Variants in GNAI1 observed in about 807,000 individuals in gnomAD.
The protein encoded by GNAI1 is G protein subunit alpha i1.
In GNAI1, 11 loss-of-function variants were observed where a neutral mutation model predicts 38.9. That is an observed-to-expected ratio of 0.28 (90% CI 0.18 to 0.47). The LOEUF (loss-of-function observed/expected upper bound fraction) is 0.47. GNAI1 is among the 20% of genes least tolerant of loss of function. GNAI1 has a pLI of 0.99. For missense variants in GNAI1, 317 were observed against 436.9 expected (o/e 0.73, Z 2.45); for synonymous variants, 166 against 145.1 (o/e 1.14, Z -1.04).
intron 7 of GNAI1, 71 bp from the exon 8 acceptor site, chr7:80,217,232 A>G (rs1788987932): frequency 1.9e-6 from 2 of 1,032,498 alleles, no homozygotes; most frequent in Non-Finnish European, 2.8e-6. Context: ...ATATGTATGA[A>G]ACTGAATTCA....
At chr7:80,143,774 T>A (rs1237833933) in intron 1 of GNAI1, among the ~76,000 whole-genome samples, 2 of 152,160 alleles carry the variant, frequency 1.3e-5, no homozygotes, top group East Asian at 3.8e-4. Flanking sequence ...ACATGGTACA[T>A]ACATTCTTAA....
At chr7:80,159,666 C>G (rs1211334425) in intron 1 of GNAI1, among the ~76,000 whole-genome samples, 2 of 152,064 alleles carry the variant, frequency 1.3e-5, no homozygotes, top group Admixed American at 1.3e-4. Flanking sequence ...TTCGTTGTTT[C>G]CTGTTTGGAT....
Position 80,177,321 on chromosome 7 carries a change from C to T in GNAI1, c.119-11630C>T, listed in dbSNP as rs571560791. On this transcript the variant is annotated intron_variant, in intron 1 of 7. Coordinates refer to ENST00000649796, the MANE Select transcript of GNAI1 (RefSeq NM_002069.6). ...CTGGGATTACAGGCATGAGCCACCG[C>T]GCCCGGCCAGCGTATCTTTTTAGAG... is the stretch of plus-strand genomic sequence containing the variant. 5.3e-5 allele frequency among the ~76,000 whole-genome samples: 8 copies of T among 152,198 alleles called. No individual in the cohort carries two copies. In the East Asian group the frequency reaches 1.2e-3, roughly 22 times the overall value.
Position 80,135,205 on chromosome 7 carries a change from G to C in GNAI1, c.45G>C (p.Arg15=). 6.4e-7 allele frequency: 1 copy of C among 1,560,730 alleles called. No homozygotes were observed. Among genetic ancestry groups the C allele is most frequent in the Non-Finnish European group, 8.7e-7 (1 of 1,154,574 alleles). ...CCGAGGACAAGGCGGCGGTGGAGCG[G>C]AGTAAGATGATCGACCGCAACCTCC... ...LSAEDKAAVE[R]SKMIDRNLRE... is the part of the protein sequence containing the mutation. Residue 15 remains arginine, a synonymous_variant, in exon 1 of 8, where the codon CGG becomes CGC. Coordinates refer to ENST00000649796, the MANE Select transcript of GNAI1 (RefSeq NM_002069.6).
chr7:80,192,576 T>C (rs1485768172), intron 3 of GNAI1, among the ~76,000 whole-genome samples: 5 of 152,182 alleles, frequency 3.3e-5, no homozygotes, highest in Admixed American at 3.3e-4. Flanking sequence ...GGAAATAATA[T>C]CTATGTTGTA....
At chr7:80,143,966 G>GTA (rs1562821820) in intron 1 of GNAI1, among the ~76,000 whole-genome samples, 3 of 151,510 alleles carry the variant, frequency 2.0e-5, no homozygotes, top group Non-Finnish European at 4.4e-5. Context: ...GTGTGTGTGT[G>GTA]TATATATATA....
intron 4 of GNAI1, among the ~76,000 whole-genome samples, chr7:80,200,398 CA>C (rs1011060176): frequency 1.5e-4 from 17 of 113,998 alleles, no homozygotes; most frequent in African/African-American, 2.9e-4. Context: ...AACACCAAAA[CA>C]AAAAAAAAAT....
At chr7:80,186,855 ACCC>A (rs1034077977) in intron 1 of GNAI1, among the ~76,000 whole-genome samples, 1 of 151,982 alleles carries the variant, frequency 6.6e-6, no homozygotes, top group Non-Finnish European at 1.5e-5. Flanking sequence ...GCTTGGGTGG[ACCC>A]CCTGGATTAG....
In GNAI1 at chr7:80,209,211, C is replaced by G. The variant is rs148678656; in HGVS notation, c.591-1758C>G. On this transcript the variant is annotated intron_variant, in intron 5 of 7. Transcript: ENST00000649796. ...TTAGGTATTTGTTAGAGTAGCACCT[C>G]ATTCTCTGCACTAAAGTTGTATCAT... Among the ~76,000 whole-genome samples, 19 of 152,252 alleles carry G rather than the reference C, an allele frequency of 1.2e-4. No homozygotes were observed. In the East Asian group the frequency reaches 3.5e-3, roughly 28 times the overall value.
intron 1 of GNAI1, among the ~76,000 whole-genome samples, chr7:80,153,435 T>A (rs1192748260): frequency 2.0e-5 from 3 of 152,230 alleles, no homozygotes; most frequent in African/African-American, 7.2e-5. Flanking sequence ...GAAATAAAAC[T>A]ATTTCCAATT....
intron 1 of GNAI1, among the ~76,000 whole-genome samples, chr7:80,172,818 T>A (rs1417190067): frequency 6.6e-6 from 1 of 152,076 alleles, no homozygotes; most frequent in Non-Finnish European, 1.5e-5. Context: ...CAAAACAAAT[T>A]TTTTTTAAAA....
rs2115734167 is a variant in GNAI1 at position 80,219,390 on chromosome 7, A to T, written c.*1897A>T. 6.5e-6 allele frequency: 1 copy of T among 152,736 alleles called. No homozygotes were observed. Among genetic ancestry groups the T allele is most frequent in the East Asian group, 1.9e-4 (1 of 5,184 alleles). The allele number at this position is 152,736 out of a possible 1,614,324, so 9.5% of individuals were successfully genotyped here. A position where few individuals can be genotyped will look rare whatever the true frequency, so the allele number is the denominator to read the frequency against. ...TGTTAATAAATCCTAATAAATTTAA[A>T]TTTTTAAAATTTTACAAACCTATTG... On this transcript the variant is annotated 3_prime_UTR_variant, in exon 8 of 8. Transcript: ENST00000649796.
At position 80,222,872 on chromosome 7, in the gene GNAI1, A is replaced by G. The variant is rs1338693895; in HGVS notation, c.*5379A>G. On this transcript the variant is annotated 3_prime_UTR_variant, in exon 8 of 8. Coordinates refer to ENST00000649796, the MANE Select transcript of GNAI1 (RefSeq NM_002069.6). ...GAAAAGCCCACTGTAAGTTGATAAT[A>G]CCTTATTTTGAAAATGCATTTAATA... Among the ~76,000 whole-genome samples the G allele has an allele frequency of 6.6e-6, 1 of 152,040 alleles. No individual in the cohort carries two copies. The highest frequency in any genetic ancestry group is 1.5e-5 in the Non-Finnish European group (1 of 68,008).
intron 1 of GNAI1, among the ~76,000 whole-genome samples, chr7:80,174,973 T>A (rs1279731167): frequency 1.3e-5 from 2 of 152,216 alleles, no homozygotes; most frequent in African/African-American, 4.8e-5. Context: ...TAATATTCCA[T>A]GTGACCAAAT....
chr7:80,199,110 A>G, intron 3 of GNAI1, 115 bp from the exon 4 acceptor site: 1 of 721,110 alleles, frequency 1.4e-6, no homozygotes, highest in Non-Finnish European at 2.2e-6. Flanking sequence ...CGTGTTAATA[A>G]AAACAAAGGA....
intron 7 of GNAI1, 116 bp from the exon 8 acceptor site, chr7:80,217,187 C>T: frequency 6.6e-6 from 1 of 151,548 alleles, no homozygotes; most frequent in Non-Finnish European, 1.1e-5. Flanking sequence ...TTAAGGAGTC[C>T]ATGAATGAAA....
chr7:80,140,858 G>C (rs1055286474), intron 1 of GNAI1, among the ~76,000 whole-genome samples: 3 of 152,166 alleles, frequency 2.0e-5, no homozygotes, highest in Admixed American at 1.3e-4. Context: ...TGTTGATAGG[G>C]CTTCTTTTCT....
chr7:80,153,156 C>T (rs1787757617), intron 1 of GNAI1, among the ~76,000 whole-genome samples: 1 of 152,016 alleles, frequency 6.6e-6, no homozygotes, highest in East Asian at 1.9e-4. Context: ...ACAGGCCAGC[C>T]CCTGCATGAT....
intron 1 of GNAI1, among the ~76,000 whole-genome samples, chr7:80,183,793 C>A (rs928786042): frequency 6.6e-6 from 1 of 152,138 alleles, no homozygotes; most frequent in Non-Finnish European, 1.5e-5. Context: ...AATTACATAA[C>A]TCTCTTAAAG....
Sources: gnomAD v4.1 joint callset for allele counts (sites outside exome capture counted in the v4.1 genomes callset) on GRCh38, gnomAD v4.1.1 for gene constraint, MANE v1.5 for transcripts, NCBI Gene and HGNC (gene_info 2026-07-23, HGNC 2026-07-21) for gene names.